Variants in NRXN1 observed in about 807,000 individuals in gnomAD.
NRXN1 encodes the protein neurexin-1.
Under a neutral mutation model 150.9 loss-of-function variants are expected in NRXN1, and 39 were observed. That is an observed-to-expected ratio of 0.26 (90% CI 0.20 to 0.34). The LOEUF (loss-of-function observed/expected upper bound fraction) is 0.34, where lower values mean the gene tolerates loss of function less well. Among genes scored for constraint, NRXN1 ranks in the 10% least tolerant of loss-of-function variants. NRXN1 has a pLI of 1.00. For missense variants in NRXN1, 1,815 were observed against 1,949.9 expected (o/e 0.93, Z 1.30); for synonymous variants, 924 against 757.0 (o/e 1.22, Z -3.62).
intron 2 of NRXN1, among the ~76,000 whole-genome samples, chr2:50,946,531 T>A (rs1160948561): frequency 1.3e-5 from 2 of 152,142 alleles, no homozygotes; most frequent in Non-Finnish European, 2.9e-5. Flanking sequence ...TCACTCTGGG[T>A]GTGAGAAAAC....
intron 17 of NRXN1, among the ~76,000 whole-genome samples, chr2:50,395,943 T>C (rs1308792168): frequency 2.0e-5 from 3 of 152,164 alleles, no homozygotes; most frequent in Admixed American, 6.5e-5. Context: ...ATGTAAATCC[T>C]CTGCTCTGTC....
chr2:50,685,772 C>G (rs1691139062), intron 5 of NRXN1, among the ~76,000 whole-genome samples: 2 of 152,020 alleles, frequency 1.3e-5, no homozygotes, highest in African/African-American at 4.8e-5. Context: ...TTATTTTGAA[C>G]CTAAAAGGTG....
chr2:50,659,006 G>A (rs1559086548), intron 5 of NRXN1, among the ~76,000 whole-genome samples: 1 of 151,992 alleles, frequency 6.6e-6, no homozygotes, highest in African/African-American at 2.4e-5. Context: ...TCATGAGCAA[G>A]GGTGACGGCA....
intron 17 of NRXN1, among the ~76,000 whole-genome samples, chr2:50,460,163 T>G (rs2088021757): frequency 6.6e-6 from 1 of 152,030 alleles, no homozygotes; most frequent in Non-Finnish European, 1.5e-5. Context: ...AGACCAACAT[T>G]GAAAGCCACC....
intron 5 of NRXN1, among the ~76,000 whole-genome samples, chr2:50,890,702 T>C (rs1680917094): frequency 6.6e-6 from 1 of 151,870 alleles, no homozygotes; most frequent in African/African-American, 2.4e-5. Context: ...TTTCCATTTA[T>C]ATTGAACAAT....
intron 19 of NRXN1, among the ~76,000 whole-genome samples, chr2:50,090,920 C>A (rs1334602914): frequency 1.3e-5 from 2 of 152,022 alleles, no homozygotes; most frequent in Non-Finnish European, 1.5e-5. Flanking sequence ...AGCGTTAGGT[C>A]TTATTTTCTC....
At chr2:50,369,625 C>T (rs1242769772) in intron 17 of NRXN1, among the ~76,000 whole-genome samples, 1 of 151,948 alleles carries the variant, frequency 6.6e-6, no homozygotes, top group Non-Finnish European at 1.5e-5. Context: ...TGATTTCTGA[C>T]TATAATTTCC....
chr2:50,089,673 C>G (rs949235925), intron 19 of NRXN1, among the ~76,000 whole-genome samples: 22 of 151,540 alleles, frequency 1.5e-4, no homozygotes, highest in African/African-American at 5.4e-4. Context: ...ACCTGTAGTC[C>G]TAGCTACTAG....
intron 8 of NRXN1, among the ~76,000 whole-genome samples, chr2:50,573,088 G>C (rs186907568): frequency 2.0e-5 from 3 of 152,070 alleles, no homozygotes; most frequent in Non-Finnish European, 4.4e-5. Flanking sequence ...AATTATATCA[G>C]TCCAGGCATG....
chr2:50,731,066 T>C (rs1407812787), intron 5 of NRXN1, among the ~76,000 whole-genome samples: 2 of 152,220 alleles, frequency 1.3e-5, no homozygotes, highest in African/African-American at 2.4e-5. Context: ...TACAATCTTC[T>C]TTAAACTTCT....
At chr2:50,356,743 T>G (rs961969152) in intron 17 of NRXN1, among the ~76,000 whole-genome samples, 4 of 152,212 alleles carry the variant, frequency 2.6e-5, no homozygotes, top group Admixed American at 1.3e-4. Context: ...GTCTTCCTAA[T>G]GAAGCTTTCA....
chr2:50,337,770 T>C (rs114299243), intron 17 of NRXN1, among the ~76,000 whole-genome samples: 1,631 of 152,286 alleles, frequency 0.011, 26 homozygotes, highest in African/African-American at 0.037. Context: ...TTAATTCATT[T>C]TGTAAAAATA....
intron 18 of NRXN1, among the ~76,000 whole-genome samples, chr2:50,160,306 C>A (rs766546858): frequency 1.3e-5 from 2 of 151,868 alleles, no homozygotes; most frequent in African/African-American, 4.8e-5. Context: ...TTTGGGAGGT[C>A]GAGGTGGGCA....
At chr2:50,697,239 AT>A (rs1185602432) in intron 5 of NRXN1, among the ~76,000 whole-genome samples, 3 of 152,180 alleles carry the variant, frequency 2.0e-5, no homozygotes, top group African/African-American at 7.2e-5. Flanking sequence ...ATTAGTCTTC[AT>A]TTTGAATATA....
intron 5 of NRXN1, among the ~76,000 whole-genome samples, chr2:50,644,281 T>C (rs1259707242): frequency 6.6e-6 from 1 of 151,780 alleles, no homozygotes; most frequent in Non-Finnish European, 1.5e-5. Context: ...GTTAGGTAAC[T>C]GAATTGGAAA....
intron 18 of NRXN1, among the ~76,000 whole-genome samples, chr2:50,140,306 A>C (rs544134656): frequency 6.6e-6 from 1 of 152,108 alleles, no homozygotes; most frequent in Non-Finnish European, 1.5e-5. Flanking sequence ...TGCTGATTTA[A>C]ACCTCAGCTT....
At position 50,347,205 on chromosome 2, in the gene NRXN1, C is replaced by A; in HGVS notation, c.3365-110235G>T. 1 of 1,345,270 alleles carries A rather than the reference C, an allele frequency of 7.4e-7. No individual in the cohort carries two copies. 83.3% of individuals were successfully genotyped at this position (1,345,270 alleles called of 1,614,324 possible). A position where few individuals can be genotyped will look rare whatever the true frequency, so the allele number is the denominator to read the frequency against. On this transcript the variant is annotated intron_variant, in intron 17 of 22. Transcript: ENST00000401669. This position sits in a 1 kb window ranked among gnomAD's most constrained non-coding sequence, Gnocchi z 4.9. Reference sequence around the variant, plus strand: ...GAGGGGCTTGTCCGGAAAGGCAGCCCCGGGAACAGCAAGCGCGGAGCGGGT... The same window carrying A: ...GAGGGGCTTGTCCGGAAAGGCAGCCACGGGAACAGCAAGCGCGGAGCGGGT...
At chr2:50,869,607 G>C (rs967388865) in intron 5 of NRXN1, among the ~76,000 whole-genome samples, 2 of 151,706 alleles carry the variant, frequency 1.3e-5, no homozygotes, top group African/African-American at 4.8e-5. Context: ...GGTTTAATTA[G>C]TAAGGTAATT....
At chr2:50,507,953 G>A (rs1385711905) in intron 12 of NRXN1, among the ~76,000 whole-genome samples, 1 of 151,284 alleles carries the variant, frequency 6.6e-6, no homozygotes, top group Non-Finnish European at 1.5e-5. Context: ...GATCACGGGA[G>A]GATATATGAG....
Sources: allele counts gnomAD v4.1 joint callset (sites outside exome capture counted in the v4.1 genomes callset), GRCh38; gene constraint gnomAD v4.1.1; non-coding constraint Gnocchi (gnomAD v3.1); transcripts MANE v1.5; gene names NCBI Gene and HGNC (gene_info 2026-07-23, HGNC 2026-07-21).